KLHL18: variants seen among roughly 807,000 people sequenced by gnomAD.
KLHL18 encodes the protein kelch like family member 18.
A neutral mutation model predicts 58.5 loss-of-function variants in KLHL18; 38 were observed. The observed-to-expected ratio is 0.65, with a 90% CI of 0.50 to 0.85. KLHL18 has a LOEUF of 0.85. KLHL18 is among the 40% of genes least tolerant of loss of function. The probability of loss-of-function intolerance (pLI) is 0.00; values close to 1 mark genes in which losing one functional copy is unlikely to be tolerated. For synonymous variants in KLHL18, 303 were observed against 301.9 expected, an observed-to-expected ratio of 1.00 and a Z score of -0.04; for missense variants, 624 against 778.4, an observed-to-expected ratio of 0.80 and a Z score of 2.36.
chr3:47,303,393 A>G (rs961414854), intron 1 of KLHL18, among the ~76,000 whole-genome samples: 2 of 152,172 alleles, frequency 1.3e-5, no homozygotes, highest in African/African-American at 4.8e-5. Flanking sequence ...TCATAGGTGA[A>G]TTCTTGGGGT....
intron 7 of KLHL18, 197 bp downstream of exon 7, chr3:47,336,954 T>TG: frequency 1.7e-6 from 1 of 573,372 alleles, no homozygotes; most frequent in Non-Finnish European, 3.1e-6. Flanking sequence ...CCTTGTCCTT[T>TG]GGGGAACTTG....
chr3:47,329,080 G>A (rs546780488), intron 3 of KLHL18, among the ~76,000 whole-genome samples: 7 of 151,498 alleles, frequency 4.6e-5, no homozygotes, highest in African/African-American at 1.7e-4. Context: ...TGTGAGCCGT[G>A]TTCACGCTAC....
chr3:47,297,934 C>G (rs549290354), intron 1 of KLHL18, among the ~76,000 whole-genome samples: 74 of 152,170 alleles, frequency 4.9e-4, no homozygotes, highest in African/African-American at 1.7e-3. Flanking sequence ...AGTCAGAGGC[C>G]CCTCAGAGGA....
intron 3 of KLHL18, among the ~76,000 whole-genome samples, chr3:47,326,669 A>G (rs898468172): frequency 6.6e-6 from 1 of 151,890 alleles, no homozygotes; most frequent in Non-Finnish European, 1.5e-5. Context: ...TGTAATCCCA[A>G]CACTCTGGGA....
chr3:47,301,819 A>G lies in KLHL18; in HGVS notation c.130-17834A>G, dbSNP rs142847770. On this transcript the variant is annotated intron_variant, in intron 1 of 9. Transcript: ENST00000232766. ...TGTTTCTTCTTCTTCTTTTTGAGAT[A>G]GGATGTTGCTCTGTCATCCAGGCTG... 1.9e-3 allele frequency among the ~76,000 whole-genome samples: 287 copies of G among 152,244 alleles called. 1 individual carries two copies. The highest frequency in any genetic ancestry group is 6.4e-3 in the African/African-American group (264 of 41,538).
chr3:47,337,339 A>G (rs1704009209), intron 7 of KLHL18: 1 of 158,908 alleles, frequency 6.3e-6, no homozygotes, highest in African/African-American at 2.4e-5. Context: ...CACTCAGTAC[A>G]TTCTAGCTAC....
chr3:47,330,146 G>A lies in KLHL18; in HGVS notation c.597G>A (p.Glu199=), dbSNP rs748488185. The A allele has an allele frequency of 3.7e-6, 6 of 1,614,054 alleles. No individual in the cohort carries two copies. The South Asian group carries it at 5.5e-5, about 15-fold the overall frequency. ...ATGAGCTGAATGTCAAATCTGAGGA[G>A]CAGGTATGTGAGCCCAGTAGCAGTC... ...SRDELNVKSE[E]QVFEAALAWV... The change falls in exon 4 of 10, where the codon GAG becomes GAA. Residue 199 remains glutamate, a synonymous_variant. Transcript: ENST00000232766.
intron 1 of KLHL18, among the ~76,000 whole-genome samples, chr3:47,292,732 C>G (rs1702815047): frequency 1.3e-5 from 2 of 151,696 alleles, no homozygotes; most frequent in Non-Finnish European, 2.9e-5. Context: ...ATGTCAAAAC[C>G]TTGTCTTTAC....
intron 1 of KLHL18, among the ~76,000 whole-genome samples, chr3:47,311,153 G>A (rs2107612695): frequency 6.6e-6 from 1 of 152,144 alleles, no homozygotes; most frequent in Admixed American, 6.5e-5. Flanking sequence ...GGGACTACAG[G>A]CGCCCACCGC....
intron 7 of KLHL18, among the ~76,000 whole-genome samples, chr3:47,339,490 C>CAAA (rs535713738): frequency 1.4e-5 from 1 of 69,226 alleles, no homozygotes. Flanking sequence ...GACCTCATCT[C>CAAA]AAAAAAAAAA....
At chr3:47,325,035 G>A (rs910906723) in intron 3 of KLHL18, among the ~76,000 whole-genome samples, 9 of 152,064 alleles carry the variant, frequency 5.9e-5, no homozygotes, top group South Asian at 4.2e-4. Flanking sequence ...CAGAGCCATG[G>A]CCTGCTTTCT....
chr3:47,346,428 G>C lies in KLHL18; in HGVS notation c.*2487G>C, dbSNP rs1208503597. On this transcript the variant is annotated 3_prime_UTR_variant, in exon 10 of 10. Transcript: ENST00000232766. ...GTGAATGGCTATTCGTAAATGGCTG[G>C]TCTGGCTCTTTGGTGTTGGAGCCTT... 6.6e-6 allele frequency: 1 copy of C among 152,658 alleles called. No individual in the cohort carries two copies. Among genetic ancestry groups the C allele is most frequent in the Non-Finnish European group, 1.5e-5 (1 of 68,056 alleles). The allele number at this position is 152,658 out of a possible 1,614,324, so 9.5% of individuals were successfully genotyped here.
At chr3:47,338,292 G>A (rs1293802413) in intron 7 of KLHL18, 1 of 152,102 alleles carries the variant, frequency 6.6e-6, no homozygotes, top group African/African-American at 2.4e-5. Flanking sequence ...ATGCAGTTTT[G>A]GGGCACCTCT....
Position 47,334,481 on chromosome 3 carries a change from G to T in KLHL18, c.762-202G>T, listed in dbSNP as rs537276928. Among the ~76,000 whole-genome samples, 118 of 152,184 alleles carry T rather than the reference G, an allele frequency of 7.8e-4. 1 individual carries two copies. The highest frequency in any genetic ancestry group is 2.7e-3 in the African/African-American group (111 of 41,502). On this transcript the variant is annotated intron_variant, in intron 5 of 9. Coordinates refer to ENST00000232766, the MANE Select transcript of KLHL18 (RefSeq NM_025010.5). This position sits in a 1 kb window ranked among gnomAD's most constrained non-coding sequence, Gnocchi z 4.7. ...AGCTGAGGTGGTCTTTGCTTGTCTT[G>T]CCCCTTTAATTTTGAGTATATCTCA...
At chr3:47,321,359 T>C (rs1199871435) in intron 2 of KLHL18, among the ~76,000 whole-genome samples, 1 of 151,822 alleles carries the variant, frequency 6.6e-6, no homozygotes. Flanking sequence ...TTGTTTTTTT[T>C]TTTTTGAGAT....
Position 47,334,926 on chromosome 3 carries a change from C to G in KLHL18, c.898+107C>G, listed in dbSNP as rs1703949962. On this transcript the variant is annotated intron_variant, in intron 6 of 9. Transcript: ENST00000232766. This position sits in a 1 kb window ranked among gnomAD's most constrained non-coding sequence, Gnocchi z 4.7. Reference sequence around the variant, plus strand: ...TGGTTTCTCTGTTTTGTACTGTCACCACCCTTGCCCCTCTTGATTTTATAC... The same window carrying G: ...TGGTTTCTCTGTTTTGTACTGTCACGACCCTTGCCCCTCTTGATTTTATAC... The G allele has an allele frequency of 4.5e-6, 5 of 1,120,378 alleles. No individual in the cohort carries two copies. In the Admixed American group the frequency reaches 1.3e-4, roughly 29 times the overall value. The allele number at this position is 1,120,378 out of a possible 1,614,324, so 69.4% of individuals were successfully genotyped here.
chr3:47,299,367 T>G (rs750739523), intron 1 of KLHL18, among the ~76,000 whole-genome samples: 6 of 149,508 alleles, frequency 4.0e-5, no homozygotes, highest in African/African-American at 7.4e-5. Flanking sequence ...GAAACCAACT[T>G]GGGCAACATA....
chr3:47,304,683 G>C (rs1284349336), intron 1 of KLHL18, among the ~76,000 whole-genome samples: 3 of 151,984 alleles, frequency 2.0e-5, no homozygotes, highest in Non-Finnish European at 2.9e-5. Context: ...TTATTTCTAG[G>C]GTTATTTGTT....
At chr3:47,319,827 G>GC (rs777213319) in intron 2 of KLHL18, 44 bp downstream of exon 2, 1 of 1,606,066 alleles carries the variant, frequency 6.2e-7, no homozygotes, top group Non-Finnish European at 8.5e-7. Flanking sequence ...CTTTCCAAGT[G>GC]CAGTTTCAGC....
Sources: allele counts gnomAD v4.1 joint callset (sites outside exome capture counted in the v4.1 genomes callset), GRCh38; gene constraint gnomAD v4.1.1; non-coding constraint Gnocchi (gnomAD v3.1); transcripts MANE v1.5; gene names NCBI Gene and HGNC (gene_info 2026-07-23, HGNC 2026-07-21).